Variants in SETX observed in about 807,000 individuals in gnomAD.
SETX encodes senataxin.
A neutral mutation model predicts 227.2 loss-of-function variants in SETX; 90 were observed. That is an observed-to-expected ratio of 0.40 (90% CI 0.33 to 0.47). The LOEUF is 0.47. Among genes scored for constraint, SETX ranks in the 20% least tolerant of loss-of-function variants. SETX has a pLI of 0.91. For missense variants in SETX, 3,052 were observed against 3,181.5 expected, an observed-to-expected ratio of 0.96 and a Z score of 0.98; for synonymous variants, 1,210 against 1,113.2, an observed-to-expected ratio of 1.09 and a Z score of -1.73.
Position 132,349,321 on chromosome 9 carries a change from GTCT to G in SETX, c.105_107del (p.Glu35del). 6.2e-7 allele frequency: 1 copy of G among 1,614,070 alleles called. No individual in the cohort carries two copies. Among genetic ancestry groups the G allele is most frequent in the Non-Finnish European group, 8.5e-7 (1 of 1,180,022 alleles). On this transcript the variant is annotated inframe_deletion, in exon 3 of 26. Transcript: ENST00000224140. The stretch of plus-strand genomic sequence containing the variant: ...CCACACACTCCAAGCAGTAGCAGAG[GTCT>G]TCGTCGGCTGTTTGAAATTCACCGG...
At chr9:132,280,689 C>T (rs1250813712) in intron 20 of SETX, among the ~76,000 whole-genome samples, 3 of 152,178 alleles carry the variant, frequency 2.0e-5, no homozygotes, top group Non-Finnish European at 4.4e-5. Flanking sequence ...ATTTATGAAG[C>T]CACTGCTCAA....
chr9:132,350,893 T>C (rs508322), intron 2 of SETX, among the ~76,000 whole-genome samples: 102,084 of 151,986 alleles, frequency 0.67, 35,023 homozygotes, highest in Non-Finnish European at 0.75. Flanking sequence ...TACACAGTTC[T>C]CATCGACGTG....
At position 132,336,411 on chromosome 9, in the gene SETX, C is replaced by A; in HGVS notation, c.603G>T (p.Glu201Asp). The change falls in exon 6 of 26, where the codon GAG becomes GAT. Residue 201 changes from glutamate (E) to aspartate (D), a missense_variant. Around this residue, in one of 10 missense-constraint regions of SETX, gnomAD observed 239 missense variants for 240.8 expected, o/e 0.99. Transcript: ENST00000224140. The part of the protein sequence containing the change: ...EVLLCLFKVI[E>D]LGLLESPDIY... ...TGTCTGGACTCTCTAAAAGCCCCAA[C>A]TCAATGACTTTAAAAAGGCAAAGTA... The A allele has an allele frequency of 6.2e-7, 1 of 1,613,932 alleles. No individual in the cohort carries two copies. The highest frequency in any genetic ancestry group is 1.1e-5 in the South Asian group (1 of 91,072).
chr9:132,303,649 A>T (rs1343871879), intron 11 of SETX, among the ~76,000 whole-genome samples: 1 of 152,066 alleles, frequency 6.6e-6, no homozygotes, highest in Non-Finnish European at 1.5e-5. Context: ...ATATATAAAG[A>T]ACTGAAAAAT....
At chr9:132,286,630 AC>A (rs1160525994) in intron 17 of SETX, 136 bp from the exon 18 acceptor site, 23 of 693,630 alleles carry the variant, frequency 3.3e-5, no homozygotes, top group Middle Eastern at 6.8e-4. Context: ...TTTCCTCTTT[AC>A]CACTGGAGTC....
At position 132,278,185 on chromosome 9, in the gene SETX, G is replaced by A; in HGVS notation, c.6727C>T (p.His2243Tyr). 2 of 1,614,158 alleles carry A rather than the reference G, an allele frequency of 1.2e-6. No individual in the cohort carries two copies. Among genetic ancestry groups the A allele is most frequent in the Non-Finnish European group, 1.7e-6 (2 of 1,180,018 alleles). Reference protein sequence around the residue: ...FCRLLEENVEHNMISRLPILQ... With the variant: ...FCRLLEENVEYNMISRLPILQ... Reference sequence around the variant, plus strand: ...ATGGGCAGCCTGCTGATCATGTTGTGTTCTACATTCTCTTCCAGCAGTCTG... The same window carrying A: ...ATGGGCAGCCTGCTGATCATGTTGTATTCTACATTCTCTTCCAGCAGTCTG... The change falls in exon 21 of 26, where the codon CAC (histidine) becomes TAC (tyrosine). Residue 2243 changes from histidine to tyrosine, a missense_variant. His to Tyr is a moderately conservative substitution (Grantham distance 83). Around this residue, in one of 10 missense-constraint regions of SETX, gnomAD observed 412 missense variants for 589.0 expected, o/e 0.70. Transcript: ENST00000224140.
Position 132,336,325 on chromosome 9 carries a change from T to C in SETX, c.689A>G (p.Asp230Gly). The C allele has an allele frequency of 6.2e-7, 1 of 1,613,762 alleles. No homozygotes were observed. The highest frequency in any genetic ancestry group is 8.5e-7 in the Non-Finnish European group (1 of 1,179,664). ...KLILLPSHMY[D>G]TTNYKSYWLG... ...CCAATAGCTTTTGTAGTTGGTAGTATCATACATGTGTGAGGGCAGAAGAAT... is the reference window on the plus strand; with the variant it reads ...CCAATAGCTTTTGTAGTTGGTAGTACCATACATGTGTGAGGGCAGAAGAAT... Residue 230 changes from aspartate (D) to glycine (G), a missense_variant, in exon 6 of 26, where the codon GAT (aspartate) becomes GGT (glycine). Asp to Gly is a moderately conservative substitution (Grantham distance 94, BLOSUM62 -1). Transcript: ENST00000224140.
intron 5 of SETX, among the ~76,000 whole-genome samples, chr9:132,341,805 T>C (rs1178150940): frequency 1.3e-5 from 2 of 152,338 alleles, no homozygotes; most frequent in African/African-American, 4.8e-5. Flanking sequence ...CCTGTTGTCC[T>C]GCACAAGCTG....
chr9:132,337,651 T>C (rs1847709571), intron 5 of SETX, among the ~76,000 whole-genome samples: 1 of 152,134 alleles, frequency 6.6e-6, no homozygotes, highest in South Asian at 2.1e-4. Context: ...CTGAAAAAGT[T>C]TTGGAATCCA....
chr9:132,311,333 T>C (rs1355508921), intron 11 of SETX, among the ~76,000 whole-genome samples: 4 of 152,144 alleles, frequency 2.6e-5, no homozygotes, highest in Non-Finnish European at 5.9e-5. Context: ...GAGGACTTAT[T>C]CATTTTATTT....
rs146332901 is a variant in SETX, at chr9:132,347,546, G to A, written c.178-1075C>T. Reference sequence around the variant, plus strand: ...AGGCTGGTCTCAAACTGCTGACCTCGTAATCCACCTGCCTCAGCATCCCAA... The same window carrying A: ...AGGCTGGTCTCAAACTGCTGACCTCATAATCCACCTGCCTCAGCATCCCAA... On this transcript the variant is annotated intron_variant, in intron 3 of 25. Coordinates refer to ENST00000224140, the MANE Select transcript of SETX (RefSeq NM_015046.7). 1.8e-3 allele frequency among the ~76,000 whole-genome samples: 270 copies of A among 151,866 alleles called. 2 individuals are homozygous for A. Among genetic ancestry groups the A allele is most frequent in the African/African-American group, 5.9e-3 (246 of 41,458 alleles).
intron 12 of SETX, among the ~76,000 whole-genome samples, chr9:132,300,317 T>G (rs1035892788): frequency 1.3e-5 from 2 of 152,132 alleles, no homozygotes; most frequent in Non-Finnish European, 2.9e-5. Flanking sequence ...CATTAGTAAT[T>G]GGCCACAAAA....
chr9:132,318,182 G>A (rs1846107050), intron 10 of SETX, among the ~76,000 whole-genome samples: 1 of 152,110 alleles, frequency 6.6e-6, no homozygotes, highest in Non-Finnish European at 1.5e-5. Context: ...TCTAATGATT[G>A]TGTCCTCTAT....
chr9:132,282,256 C>G (rs906867862), intron 19 of SETX, among the ~76,000 whole-genome samples: 2 of 150,814 alleles, frequency 1.3e-5, no homozygotes, highest in Non-Finnish European at 3.0e-5. Flanking sequence ...CTTTAAAGTC[C>G]TTTTAAAACT....
chr9:132,298,069 T>C lies in SETX; in HGVS notation c.5781+11A>G. ...ACATGAAATTATCTAGTATCATACA[T>C]CATCACTCACAATTCTCTCAGATGT... On this transcript the variant is annotated intron_variant, in intron 13 of 25. Coordinates refer to ENST00000224140, the MANE Select transcript of SETX (RefSeq NM_015046.7). 6.4e-7 allele frequency: 1 copy of C among 1,555,260 alleles called. No homozygotes were observed. The highest frequency in any genetic ancestry group is 1.7e-5 in the Admixed American group (1 of 58,834).
chr9:132,290,599 A>T (rs1035526034), intron 15 of SETX, among the ~76,000 whole-genome samples: 1 of 150,702 alleles, frequency 6.6e-6, no homozygotes, highest in Non-Finnish European at 1.5e-5. Context: ...AAAAAAAAAA[A>T]AATTCACCAC....
In SETX at chr9:132,342,717, A is replaced by C; in HGVS notation, c.471T>G (p.Tyr157Ter). The C allele has an allele frequency of 6.2e-7, 1 of 1,613,842 alleles. No homozygotes were observed. The highest frequency in any genetic ancestry group is 8.5e-7 in the Non-Finnish European group (1 of 1,179,766). ...FQVFDKHPGI[Y>*]LFLVHPNEMV... Reference sequence around the variant, plus strand: ...TTTCATTGGGATGGACTAAAAACAAATAGATCCCTGGATGTTTATCAAACA... The same window carrying C: ...TTTCATTGGGATGGACTAAAAACAACTAGATCCCTGGATGTTTATCAAACA... Residue 157 changes from tyrosine (Y) to a stop codon, truncating the protein, a stop_gained, in exon 5 of 26, where the codon TAT becomes TAG. Transcript: ENST00000224140. LOFTEE classifies it high-confidence loss of function.
Position 132,263,471 on chromosome 9 carries a change from C to T in SETX, c.*768G>A, listed in dbSNP as rs1348539537. ...AATGATAGCTCAAGAATTATTCTTT[C>T]ACTCCATATTCTTCTCTCTCAAGAA... On this transcript the variant is annotated 3_prime_UTR_variant, in exon 26 of 26. Transcript: ENST00000224140. The T allele has an allele frequency of 6.6e-6, 1 of 152,216 alleles. No individual in the cohort carries two copies. The highest frequency in any genetic ancestry group is 1.5e-5 in the Non-Finnish European group (1 of 68,048). 9.4% of individuals were successfully genotyped at this position (152,216 alleles called of 1,614,324 possible).
chr9:132,336,804 C>T (rs139321366), intron 5 of SETX, among the ~76,000 whole-genome samples: 225 of 152,300 alleles, frequency 1.5e-3, no homozygotes, highest in African/African-American at 4.6e-3. Context: ...TGGCTCACAC[C>T]TGTAATTTCA....
Sources: gnomAD v4.1 joint callset for allele counts (sites outside exome capture counted in the v4.1 genomes callset) on GRCh38, gnomAD v4.1.1 for gene constraint, gnomAD v4.1.1 regional missense constraint, MANE v1.5 for transcripts, NCBI Gene and HGNC (gene_info 2026-07-23, HGNC 2026-07-21) for gene names.